NAALADL2: variants seen among roughly 807,000 people sequenced by gnomAD.
NAALADL2 encodes the protein N-acetylated alpha-linked acidic dipeptidase like 2.
A neutral mutation model predicts 87.2 loss-of-function variants in NAALADL2; 76 were observed. The ratio of observed to expected loss-of-function variants is 0.87; its 90% confidence interval spans 0.72 to 1.05. The LOEUF (loss-of-function observed/expected upper bound fraction) is 1.05, where lower values mean the gene tolerates loss of function less well. NAALADL2 is among the 50% of genes least tolerant of loss of function. The pLI, the probability that NAALADL2 is intolerant of heterozygous loss-of-function variation, is 0.00. For missense variants in NAALADL2, 1,089 were observed against 945.8 expected (o/e 1.15, Z -1.99); for synonymous variants, 354 against 331.0 (o/e 1.07, Z -0.75).
intron 2 of NAALADL2, among the ~76,000 whole-genome samples, chr3:174,625,873 T>G (rs1721523120): frequency 6.6e-6 from 1 of 152,040 alleles, no homozygotes; most frequent in African/African-American, 2.4e-5. Context: ...CATACTTCAT[T>G]TGAAAAATAC....
chr3:175,367,385 A>G (rs1488313219), intron 5 of NAALADL2, among the ~76,000 whole-genome samples: 7 of 151,210 alleles, frequency 4.6e-5, no homozygotes, highest in Non-Finnish European at 1.0e-4. Context: ...GTTGTTTCCG[A>G]TTCTGTGAAG....
At chr3:174,743,212 T>C (rs1052669299) in intron 3 of NAALADL2, among the ~76,000 whole-genome samples, 1 of 151,764 alleles carries the variant, frequency 6.6e-6, no homozygotes, top group African/African-American at 2.4e-5. Context: ...CCACTTTATA[T>C]CTACAGGCTT....
At chr3:175,137,335 G>A (rs1232786936) in intron 2 of NAALADL2, among the ~76,000 whole-genome samples, 3 of 151,718 alleles carry the variant, frequency 2.0e-5, no homozygotes, top group East Asian at 3.9e-4. Context: ...TTAACCTAAC[G>A]TTATATCATT....
intron 5 of NAALADL2, among the ~76,000 whole-genome samples, chr3:175,368,033 A>G (rs1244810591): frequency 1.3e-5 from 2 of 152,148 alleles, no homozygotes; most frequent in Admixed American, 6.5e-5. Context: ...ACATCCCATC[A>G]ATACCTAATT....
intron 5 of NAALADL2, among the ~76,000 whole-genome samples, chr3:175,376,164 G>GA (rs1159470865): frequency 2.6e-5 from 4 of 151,706 alleles, no homozygotes; most frequent in Non-Finnish European, 4.4e-5. Flanking sequence ...GAAACTGAAA[G>GA]AAAAAAAGTA....
At chr3:174,573,964 C>T (rs937969905) in intron 2 of NAALADL2, among the ~76,000 whole-genome samples, 1 of 152,164 alleles carries the variant, frequency 6.6e-6, no homozygotes, top group Non-Finnish European at 1.5e-5. Context: ...GAGATGTACA[C>T]GTTTAGTTCT....
rs142528176 is a variant in NAALADL2 at position 175,023,394 on chromosome 3, T to A, written c.44-73396T>A. Among the ~76,000 whole-genome samples, 4 of 152,208 alleles carry A rather than the reference T, an allele frequency of 2.6e-5. No individual in the cohort carries two copies. The East Asian group carries it at 7.7e-4, about 29-fold the overall frequency. On this transcript the variant is annotated intron_variant, in intron 1 of 13. Transcript: ENST00000454872. ...TTCAATAAGACAGATAATAGTCTAG[T>A]AGGAAAAGGGAGAAAGAAAATGTGT...
In NAALADL2 at chr3:175,038,337, A is replaced by G. The variant is rs534054360; in HGVS notation, c.44-58453A>G. 7.6e-4 allele frequency among the ~76,000 whole-genome samples: 115 copies of G among 152,294 alleles called. 1 individual carries two copies. The highest frequency in any genetic ancestry group is 3.4e-3 in the Middle Eastern group (1 of 294). ...CTGAGTAAATAAATAAAATAAGAAA[A>G]AAATGAATTTACTGACACTTTCACT... On this transcript the variant is annotated intron_variant, in intron 1 of 13. Transcript: ENST00000454872.
At chr3:174,633,931 G>A (rs559665722) in intron 2 of NAALADL2, among the ~76,000 whole-genome samples, 2 of 152,268 alleles carry the variant, frequency 1.3e-5, no homozygotes, top group East Asian at 3.9e-4. Flanking sequence ...CCAGTAAATT[G>A]TATGATTTTG....
At chr3:175,296,662 C>T (rs781164941) in intron 4 of NAALADL2, among the ~76,000 whole-genome samples, 6 of 152,094 alleles carry the variant, frequency 3.9e-5, no homozygotes, top group Non-Finnish European at 7.4e-5. Flanking sequence ...AGCCTTCTAA[C>T]GGCCATATCC....
At chr3:175,645,414 A>G (rs535720285) in intron 11 of NAALADL2, among the ~76,000 whole-genome samples, 1 of 152,274 alleles carries the variant, frequency 6.6e-6, no homozygotes, top group East Asian at 1.9e-4. Flanking sequence ...ATATATGTAT[A>G]AATACAAACT....
At chr3:174,498,588 A>G (rs774202142) in intron 1 of NAALADL2, among the ~76,000 whole-genome samples, 7 of 150,520 alleles carry the variant, frequency 4.7e-5, no homozygotes, top group Non-Finnish European at 1.0e-4. Context: ...TAATATGTAT[A>G]TATTATAGTT....
intron 11 of NAALADL2, among the ~76,000 whole-genome samples, chr3:175,734,671 T>C (rs758883979): frequency 6.6e-6 from 1 of 152,180 alleles, no homozygotes; most frequent in Non-Finnish European, 1.5e-5. Flanking sequence ...GCTTCCACCC[T>C]CTGAAGCAGC....
At chr3:175,576,818 C>A (rs1036084004) in intron 10 of NAALADL2, among the ~76,000 whole-genome samples, 2 of 152,122 alleles carry the variant, frequency 1.3e-5, no homozygotes, top group African/African-American at 4.8e-5. Context: ...CCTTCATTTA[C>A]AAATTATTTA....
intron 1 of NAALADL2, among the ~76,000 whole-genome samples, chr3:174,935,176 AAT>A (rs1491258515): frequency 9.2e-5 from 14 of 152,282 alleles, no homozygotes; most frequent in African/African-American, 1.9e-4. Flanking sequence ...CAAAAAAAAA[AAT>A]GTTCACTTTC....
intron 10 of NAALADL2, among the ~76,000 whole-genome samples, chr3:175,591,651 T>A (rs946039146): frequency 2.6e-5 from 4 of 151,954 alleles, no homozygotes; most frequent in Admixed American, 1.3e-4. Context: ...TGAAGTTCAG[T>A]GCCAAGTAAT....
intron 5 of NAALADL2, among the ~76,000 whole-genome samples, chr3:175,439,686 T>C (rs746875211): frequency 2.6e-5 from 4 of 151,472 alleles, no homozygotes; most frequent in African/African-American, 4.8e-5. Flanking sequence ...TTTGATGGGA[T>C]TGTTTGTGTT....
intron 2 of NAALADL2, among the ~76,000 whole-genome samples, chr3:175,172,808 C>T (rs947375209): frequency 9.9e-5 from 15 of 151,976 alleles, no homozygotes; most frequent in African/African-American, 2.7e-4. Context: ...GAAAAGGAGG[C>T]GAAAATGTCT....
intron 9 of NAALADL2, among the ~76,000 whole-genome samples, chr3:175,570,174 T>C (rs1717838227): frequency 2.0e-5 from 3 of 152,142 alleles, no homozygotes; most frequent in Admixed American, 1.3e-4. Flanking sequence ...AGACCAATGT[T>C]CTAGTTCAAG....
Sources: allele counts gnomAD v4.1 joint callset (sites outside exome capture counted in the v4.1 genomes callset), GRCh38; gene constraint gnomAD v4.1.1; transcripts MANE v1.5; gene names NCBI Gene and HGNC (gene_info 2026-07-23, HGNC 2026-07-21).